FBXO25: variants seen among roughly 807,000 people sequenced by gnomAD.
FBXO25 encodes the protein F-box protein 25.
A neutral mutation model predicts 51.9 loss-of-function variants in FBXO25; 45 were observed. The ratio of observed to expected loss-of-function variants is 0.87; its 90% CI spans 0.68 to 1.11. The LOEUF is 1.11. Among genes scored for constraint, FBXO25 ranks in the 50% most tolerant of loss-of-function variants. The pLI is 0.00. For missense variants in FBXO25, 507 were observed against 428.5 expected (o/e 1.18, Z -1.62); for synonymous variants, 199 against 151.0 (o/e 1.32, Z -2.33).
Position 468,810 on chromosome 8 carries a change from G to T in FBXO25, c.*6G>T. The T allele has an allele frequency of 6.2e-7, 1 of 1,613,360 alleles. No individual in the cohort carries two copies. The highest frequency in any genetic ancestry group is 1.3e-5 in the African/African-American group (1 of 75,010). On this transcript the variant is annotated 3_prime_UTR_variant, in exon 10 of 10. Coordinates refer to ENST00000350302, the MANE Select transcript of FBXO25 (RefSeq NM_183420.2). ...TCGACCTCTTCAAGTTTTAAGGGCT[G>T]CCCCTGCCATCCCTATTGGAGATTG...
intron 2 of FBXO25, among the ~76,000 whole-genome samples, chr8:430,480 A>G (rs1463921478): frequency 1.3e-5 from 2 of 152,064 alleles, no homozygotes; most frequent in Non-Finnish European, 2.9e-5. Flanking sequence ...TGGTGAGTGG[A>G]AAGGGGCTTG....
At chr8:468,281 A>G in intron 9 of FBXO25, 1 of 1,016,292 alleles carries the variant, frequency 9.8e-7, no homozygotes, top group South Asian at 4.3e-5. Flanking sequence ...AAGCTGATTC[A>G]GGGATGAATG....
At chr8:420,053 A>G (rs1797056271) in intron 2 of FBXO25, among the ~76,000 whole-genome samples, 1 of 152,150 alleles carries the variant, frequency 6.6e-6, no homozygotes, top group South Asian at 2.1e-4. Context: ...AACTTAATTT[A>G]TTGTTAGGGA....
At chr8:427,221 C>T (rs1187197546) in intron 2 of FBXO25, among the ~76,000 whole-genome samples, 36 of 152,000 alleles carry the variant, frequency 2.4e-4, no homozygotes, top group African/African-American at 7.7e-4. Flanking sequence ...GAGGAGCTGA[C>T]CAAAATGTCC....
chr8:432,774 A>C, intron 3 of FBXO25, 112 bp from the exon 4 acceptor site: 1 of 1,281,444 alleles, frequency 7.8e-7, no homozygotes, highest in Non-Finnish European at 1.0e-6. Context: ...TTTCTTGTCA[A>C]TATAGTAAGT....
chr8:441,553 A>G (rs926930978), intron 5 of FBXO25, among the ~76,000 whole-genome samples: 7 of 152,248 alleles, frequency 4.6e-5, no homozygotes, highest in African/African-American at 1.2e-4. Flanking sequence ...TGCATAGCAA[A>G]AGAAACTGTT....
rs558038470 is a variant in FBXO25, at chr8:474,395, A to T, written c.*5591A>T. ...TAGCTATTGTGAATATTGCTGCCGT[A>T]AACATGGGTGTGCAAATATCTGAGT... On this transcript the variant is annotated 3_prime_UTR_variant, in exon 10 of 10. Transcript: ENST00000350302. 3.3e-5 allele frequency: 9 copies of T among 275,006 alleles called. No homozygotes were observed. The highest frequency in any genetic ancestry group is 3.0e-4 in the South Asian group (8 of 26,502). The allele number at this position is 275,006 out of a possible 1,614,324, so 17.0% of individuals were successfully genotyped here.
rs902725903 is a variant in FBXO25 at position 468,041 on chromosome 8, C to T, written c.988-674C>T. The T allele has an allele frequency of 2.4e-6, 3 of 1,272,164 alleles. No individual in the cohort carries two copies. In the African/African-American group the frequency reaches 4.5e-5, roughly 19 times the overall value. The allele number at this position is 1,272,164 out of a possible 1,614,324, so 78.8% of individuals were successfully genotyped here. ...GGTTTGGCAGCACTGCCAGGGCATG[C>T]CATGGAGAGATCCAGCACTGACCCC... On this transcript the variant is annotated intron_variant, in intron 9 of 9. Coordinates refer to ENST00000350302, the MANE Select transcript of FBXO25 (RefSeq NM_183420.2).
chr8:445,180 G>A (rs763088989), intron 5 of FBXO25, among the ~76,000 whole-genome samples: 1 of 152,176 alleles, frequency 6.6e-6, no homozygotes, highest in Non-Finnish European at 1.5e-5. Context: ...GCCTCGTGAT[G>A]TCCATTCTGT....
At position 468,939 on chromosome 8, in the gene FBXO25, C is replaced by G. The variant is rs1261254332; in HGVS notation, c.*135C>G. On this transcript the variant is annotated 3_prime_UTR_variant, in exon 10 of 10. Transcript: ENST00000350302. The stretch of plus-strand genomic sequence containing the variant: ...AGAAAGCCTGGGAAGAACTGCCCTT[C>G]TGCAAAGGGGGGACTGCATGGTTGC... The G allele has an allele frequency of 1.9e-5, 14 of 735,722 alleles. No homozygotes were observed. The highest frequency in any genetic ancestry group is 3.0e-5 in the Non-Finnish European group (14 of 459,672). 45.6% of individuals were successfully genotyped at this position (735,722 alleles called of 1,614,324 possible). A position where few individuals can be genotyped will look rare whatever the true frequency, so the allele number is the denominator to read the frequency against.
chr8:427,811 C>T (rs1180450747), intron 2 of FBXO25, among the ~76,000 whole-genome samples: 1 of 150,486 alleles, frequency 6.6e-6, no homozygotes, highest in Non-Finnish European at 1.5e-5. Flanking sequence ...GAACTGATGC[C>T]CTTGATTAGC....
At chr8:458,331 C>T (rs370030304) in intron 7 of FBXO25, 38 bp from the exon 8 acceptor site, 2 of 1,596,324 alleles carry the variant, frequency 1.3e-6, no homozygotes, top group South Asian at 1.1e-5. Context: ...AAACATTGGC[C>T]ATCTTCTCAG....
chr8:466,807 A>AG (rs1360868015), intron 9 of FBXO25, among the ~76,000 whole-genome samples: 28 of 152,232 alleles, frequency 1.8e-4, no homozygotes, highest in African/African-American at 5.8e-4. Context: ...TCTGTAAGTA[A>AG]CTGGGCTGAG....
At chr8:410,917 G>T (rs1416575501) in intron 1 of FBXO25, among the ~76,000 whole-genome samples, 1 of 152,106 alleles carries the variant, frequency 6.6e-6, no homozygotes, top group East Asian at 1.9e-4. Context: ...CAAGAATTAA[G>T]CATTTGTGGT....
At chr8:425,535 T>C (rs1797420169) in intron 2 of FBXO25, among the ~76,000 whole-genome samples, 1 of 151,918 alleles carries the variant, frequency 6.6e-6, no homozygotes, top group Admixed American at 6.5e-5. Context: ...TTTGTAATAA[T>C]TCCCCTCTTT....
chr8:447,035 C>T (rs570531961), intron 5 of FBXO25, among the ~76,000 whole-genome samples: 2 of 152,266 alleles, frequency 1.3e-5, no homozygotes, highest in East Asian at 1.9e-4. Flanking sequence ...ATACTATAGG[C>T]GGAACTGAGC....
chr8:407,456 A>C, intron 1 of FBXO25: 1 of 982,576 alleles, frequency 1.0e-6, no homozygotes, highest in Non-Finnish European at 1.2e-6. Flanking sequence ...GGGTTCATTC[A>C]GGGAGCTGCG....
rs1800414240 is a variant in FBXO25, at chr8:469,712, A to G, written c.*908A>G. On this transcript the variant is annotated 3_prime_UTR_variant, in exon 10 of 10. Coordinates refer to ENST00000350302, the MANE Select transcript of FBXO25 (RefSeq NM_183420.2). ...AAATCAGTCCCACCACCCAAAGATT[A>G]TTGTGCATGCTGAAAAGAGTATGAA... The G allele has an allele frequency of 6.6e-6, 1 of 152,148 alleles. No homozygotes were observed. The highest frequency in any genetic ancestry group is 6.5e-5 in the Admixed American group (1 of 15,274). The allele number at this position is 152,148 out of a possible 1,614,324, so 9.4% of individuals were successfully genotyped here.
In FBXO25 at chr8:467,701, T is replaced by C. The variant is rs773238558; in HGVS notation, c.988-1014T>C. On this transcript the variant is annotated intron_variant, in intron 9 of 9. Transcript: ENST00000350302. Reference sequence around the variant, plus strand: ...CCTTCACTGCATTCCTTCCTGATTCTTTCTTCATGATCTCGAAGGACTACC... The same window carrying C: ...CCTTCACTGCATTCCTTCCTGATTCCTTCTTCATGATCTCGAAGGACTACC... 12 of 1,613,864 alleles carry C rather than the reference T, an allele frequency of 7.4e-6. No individual in the cohort carries two copies. In the Admixed American group the frequency reaches 1.7e-4, roughly 22 times the overall value.
Sources: allele counts gnomAD v4.1 joint callset (sites outside exome capture counted in the v4.1 genomes callset), GRCh38; gene constraint gnomAD v4.1.1; transcripts MANE v1.5; gene names NCBI Gene and HGNC (gene_info 2026-07-23, HGNC 2026-07-21).